The following AUTS2 variants were observed in gnomAD, a reference collection of about 807,000 sequenced individuals.
The protein encoded by AUTS2 is activator of transcription and developmental regulator AUTS2, also known as autism susceptibility gene 2 protein.
AUTS2 carries 17 observed loss-of-function variants against 112.4 expected under a neutral mutation model. That is an observed-to-expected ratio of 0.15 (90% confidence interval 0.10 to 0.23). The LOEUF (loss-of-function observed/expected upper bound fraction) is 0.23. AUTS2 is among the 10% of genes least tolerant of loss of function. The pLI, the probability that AUTS2 is intolerant of heterozygous loss-of-function variation, is 1.00. For missense variants in AUTS2, 1,510 were observed against 1,701.6 expected, an observed-to-expected ratio of 0.89 and a Z score of 1.98; for synonymous variants, 751 against 702.7, an observed-to-expected ratio of 1.07 and a Z score of -1.09.
At chr7:69,932,238 G>A (rs898134812) in intron 2 of AUTS2, among the ~76,000 whole-genome samples, 2 of 152,170 alleles carry the variant, frequency 1.3e-5, no homozygotes, top group Non-Finnish European at 2.9e-5. Flanking sequence ...ATGGAAAAGT[G>A]CTTTGTTGTC....
chr7:69,715,226 G>GT (rs1491347738), intron 1 of AUTS2, among the ~76,000 whole-genome samples: 1 of 42,504 alleles, frequency 2.4e-5, no homozygotes, highest in Non-Finnish European at 4.5e-5. Context: ...TCAGGCATAA[G>GT]TAAAAAAAAA....
chr7:70,781,548 C>T, intron 14 of AUTS2, 67 bp from the exon 15 acceptor site: 1 of 1,568,484 alleles, frequency 6.4e-7, no homozygotes, highest in South Asian at 1.2e-5. Context: ...CCAGCTCCAG[C>T]TCTTCACTAA....
intron 1 of AUTS2, among the ~76,000 whole-genome samples, chr7:69,695,187 C>T (rs1465914623): frequency 1.3e-5 from 2 of 151,884 alleles, no homozygotes; most frequent in East Asian, 3.9e-4. Context: ...AAAAAAGTCA[C>T]ATGTGGTGGC....
intron 4 of AUTS2, among the ~76,000 whole-genome samples, chr7:70,231,877 G>A (rs555565179): frequency 1.1e-3 from 166 of 150,526 alleles, no homozygotes; most frequent in African/African-American, 3.1e-3. Context: ...AAGTTCAAGC[G>A]ATTCTCCTGC....
chr7:69,599,612 G>T lies in AUTS2; in HGVS notation c.-42G>T, dbSNP rs534062236. On this transcript the variant is annotated 5_prime_UTR_variant, in exon 1 of 19. Transcript: ENST00000342771. The surrounding 1 kb of genome is among the most constrained non-coding windows in gnomAD (Gnocchi z 7.0). ...TTTTTTTTGTGTGGCTGCGGCCGTA[G>T]CCTGTGGCGGGCAAGCGGGGAGACC... The T allele has an allele frequency of 9.5e-6, 12 of 1,268,744 alleles. No homozygotes were observed. In the South Asian group the frequency reaches 3.6e-4, roughly 38 times the overall value. The allele number at this position is 1,268,744 out of a possible 1,614,324, so 78.6% of individuals were successfully genotyped here.
intron 1 of AUTS2, among the ~76,000 whole-genome samples, chr7:69,671,525 C>CTG (rs1220200947): frequency 3.0e-5 from 3 of 100,034 alleles, no homozygotes; most frequent in East Asian, 6.0e-4. Context: ...GTGTGTGTGT[C>CTG]TGTGTGTGTG....
At chr7:70,000,312 TG>T (rs1332391520) in intron 2 of AUTS2, among the ~76,000 whole-genome samples, 2 of 152,174 alleles carry the variant, frequency 1.3e-5, no homozygotes, top group Non-Finnish European at 2.9e-5. Context: ...AAAAGAGCTT[TG>T]TATCCAGCGT....
intron 2 of AUTS2, among the ~76,000 whole-genome samples, chr7:69,904,102 T>C (rs187737936): frequency 2.2e-4 from 33 of 152,290 alleles, no homozygotes; most frequent in African/African-American, 7.2e-4. Context: ...ACATTGTACC[T>C]TGGTCTTCCT....
At chr7:70,408,143 T>A (rs569564457) in intron 4 of AUTS2, among the ~76,000 whole-genome samples, 1 of 149,258 alleles carries the variant, frequency 6.7e-6, no homozygotes, top group East Asian at 2.0e-4. Flanking sequence ...ATCGCACCAC[T>A]GCACTCCCAC....
chr7:70,381,787 C>G (rs572092255), intron 4 of AUTS2, among the ~76,000 whole-genome samples: 2 of 152,276 alleles, frequency 1.3e-5, no homozygotes, highest in East Asian at 3.9e-4. Context: ...TCCTCCTGCT[C>G]CTACCTGCTA....
chr7:70,482,196 A>G (rs1333554618), intron 5 of AUTS2, among the ~76,000 whole-genome samples: 1 of 151,954 alleles, frequency 6.6e-6, no homozygotes, highest in East Asian at 1.9e-4. Flanking sequence ...TCTCCTTAAA[A>G]CCTCTGGAGG....
At chr7:70,022,479 C>G (rs1328990052) in intron 2 of AUTS2, among the ~76,000 whole-genome samples, 3 of 151,936 alleles carry the variant, frequency 2.0e-5, no homozygotes, top group Non-Finnish European at 4.4e-5. Context: ...CACCACCATG[C>G]CAGGCTAATT....
At chr7:69,710,499 G>A (rs553798470) in intron 1 of AUTS2, among the ~76,000 whole-genome samples, 1 of 152,326 alleles carries the variant, frequency 6.6e-6, no homozygotes, top group East Asian at 1.9e-4. Flanking sequence ...GATGGGACAT[G>A]TCTTAGTCCT....
At chr7:70,741,617 G>A (rs568955634) in intron 6 of AUTS2, among the ~76,000 whole-genome samples, 1 of 151,972 alleles carries the variant, frequency 6.6e-6, no homozygotes, top group South Asian at 2.1e-4. Context: ...CTTGAACCCG[G>A]GAGGCGGAGG....
intron 4 of AUTS2, among the ~76,000 whole-genome samples, chr7:70,225,400 T>A (rs1811710103): frequency 6.6e-6 from 1 of 152,200 alleles, no homozygotes; most frequent in African/African-American, 2.4e-5. Flanking sequence ...TTTAGTGCTT[T>A]AATTTCTCTT....
intron 5 of AUTS2, among the ~76,000 whole-genome samples, chr7:70,594,024 G>A (rs938299935): frequency 1.3e-5 from 2 of 152,226 alleles, no homozygotes; most frequent in African/African-American, 4.8e-5. Flanking sequence ...AGCCCTCAGT[G>A]TTGTGCCCTC....
intron 1 of AUTS2, among the ~76,000 whole-genome samples, chr7:69,694,403 C>G (rs1797469518): frequency 6.6e-6 from 1 of 151,962 alleles, no homozygotes; most frequent in Non-Finnish European, 1.5e-5. Context: ...GATTTTGATG[C>G]CCAGCCATGT....
At chr7:70,511,864 A>T (rs780414661) in intron 5 of AUTS2, among the ~76,000 whole-genome samples, 2 of 152,138 alleles carry the variant, frequency 1.3e-5, no homozygotes, top group Non-Finnish European at 2.9e-5. Context: ...GGCATGAACC[A>T]TCACATCCGG....
At chr7:70,391,472 T>C (rs575077868) in intron 4 of AUTS2, among the ~76,000 whole-genome samples, 4 of 152,306 alleles carry the variant, frequency 2.6e-5, no homozygotes, top group Middle Eastern at 3.4e-3. Flanking sequence ...TTGAACTGTT[T>C]TGTGTAAGCA....
Sources: gnomAD v4.1 joint callset for allele counts (sites outside exome capture counted in the v4.1 genomes callset) on GRCh38, gnomAD v4.1.1 for gene constraint, Gnocchi (gnomAD v3.1) non-coding constraint, MANE v1.5 for transcripts, NCBI Gene and HGNC (gene_info 2026-07-23, HGNC 2026-07-21) for gene names.